Variants in TRPM8 observed in about 807,000 individuals in gnomAD.
TRPM8 encodes transient receptor potential cation channel subfamily M member 8, also known as TRPM8 cationic channel.
In TRPM8, 110 loss-of-function variants were observed where a neutral mutation model predicts 133.7. That is an observed-to-expected ratio of 0.82 (90% CI 0.70 to 0.96). The LOEUF (loss-of-function observed/expected upper bound fraction) is 0.96, where lower values mean the gene tolerates loss of function less well. TRPM8 is among the 40% of genes least tolerant of loss of function. The pLI is 0.00. For missense variants in TRPM8, 1,291 were observed against 1,379.5 expected (o/e 0.94, Z 1.02); for synonymous variants, 535 against 532.3 (o/e 1.01, Z -0.07).
intron 17 of TRPM8, among the ~76,000 whole-genome samples, chr2:233,976,226 A>C (rs1553663877): frequency 6.6e-6 from 1 of 152,166 alleles, no homozygotes; most frequent in Non-Finnish European, 1.5e-5. Context: ...AGCAGCACTA[A>C]GTGGGCGAGT....
At chr2:234,011,055 G>A (rs963682303) in intron 24 of TRPM8, among the ~76,000 whole-genome samples, 2 of 152,178 alleles carry the variant, frequency 1.3e-5, no homozygotes, top group South Asian at 4.1e-4. Flanking sequence ...GCCACGACCA[G>A]AGTCAAGAAG....
At chr2:233,958,285 C>G (rs952254526) in intron 11 of TRPM8, among the ~76,000 whole-genome samples, 1 of 152,116 alleles carries the variant, frequency 6.6e-6, no homozygotes, top group African/African-American at 2.4e-5. Context: ...AAGAGCAAAC[C>G]GAGGCTCAGA....
In TRPM8 at chr2:233,985,707, C is replaced by T. The variant is rs1297639662; in HGVS notation, c.2781C>T (p.Ala927=). The T allele has an allele frequency of 1.2e-6, 2 of 1,614,028 alleles. No homozygotes were observed. The highest frequency in any genetic ancestry group is 3.3e-5 in the Admixed American group (2 of 60,008). The change falls in exon 21 of 26, where the codon GCC becomes GCT. Residue 927 remains alanine, a synonymous_variant. Coordinates refer to ENST00000324695, the MANE Select transcript of TRPM8 (RefSeq NM_024080.5). ...CCTCAGGTACCACGTATGACTTTGCCCACTGCACCTTCACTGGGAATGAGT... is the reference window on the plus strand; with the variant it reads ...CCTCAGGTACCACGTATGACTTTGCTCACTGCACCTTCACTGGGAATGAGT... ...SDVDGTTYDF[A]HCTFTGNESK...
At chr2:233,924,156 T>C (rs1691464794) in intron 1 of TRPM8, among the ~76,000 whole-genome samples, 1 of 152,208 alleles carries the variant, frequency 6.6e-6, no homozygotes, top group African/African-American at 2.4e-5. Flanking sequence ...CTCCTGACAC[T>C]GACAGATAAG....
At chr2:234,007,572 T>C (rs1451641641) in intron 23 of TRPM8, among the ~76,000 whole-genome samples, 2 of 152,246 alleles carry the variant, frequency 1.3e-5, no homozygotes, top group Non-Finnish European at 2.9e-5. Context: ...CGTGCTCTTA[T>C]TGTAAATGTT....
intron 2 of TRPM8, among the ~76,000 whole-genome samples, chr2:233,927,932 C>CTCTCTCTT (rs1691595646): frequency 2.5e-4 from 12 of 47,848 alleles, no homozygotes; most frequent in Non-Finnish European, 3.1e-4. Context: ...CTTTCTCTCT[C>CTCTCTCTT]TCTCTCTCTC....
In TRPM8 at chr2:233,959,325, C is replaced by T. The variant is rs921618105; in HGVS notation, c.1363-1451C>T. ...ACAGGTGTGAGCCACCTCGCCCAGC[C>T]TTTTTTTTTTTTTTTTTTTGAGATG... On this transcript the variant is annotated intron_variant, in intron 11 of 25. Coordinates refer to ENST00000324695, the MANE Select transcript of TRPM8 (RefSeq NM_024080.5). 3.0e-3 allele frequency among the ~76,000 whole-genome samples: 319 copies of T among 106,260 alleles called. 3 individuals carry two copies. Among genetic ancestry groups the T allele is most frequent in the African/African-American group, 9.1e-3 (215 of 23,614 alleles). The allele number at this position is 106,260 out of a possible 152,430, so 69.7% of individuals were successfully genotyped here.
rs756302297 is a variant in TRPM8, at chr2:233,937,401, CA to C, written c.241del (p.Thr81ProfsTer53). 1 of 1,614,160 alleles carries C rather than the reference CA, an allele frequency of 6.2e-7. No individual in the cohort carries two copies. The highest frequency in any genetic ancestry group is 1.1e-5 in the South Asian group (1 of 91,076). ...GYAQSQHMEG[T>X]QINQSEKWNY... Reference sequence around the variant, plus strand: ...ATGCCCAGAGCCAGCACATGGAAGGCACCCAGATCAACCAAAGTGAGAAATG... The same window carrying C: ...ATGCCCAGAGCCAGCACATGGAAGGCCCCAGATCAACCAAAGTGAGAAATG... On this transcript the variant is annotated frameshift_variant, in exon 4 of 26. Transcript: ENST00000324695. LOFTEE classifies it high-confidence loss of function.
At chr2:233,980,385 G>C (rs1223329463) in intron 18 of TRPM8, 106 bp downstream of exon 18, 2 of 704,400 alleles carry the variant, frequency 2.8e-6, no homozygotes, top group African/African-American at 3.6e-5. Context: ...ACTCATTAGA[G>C]ATTATTACAC....
chr2:233,990,209 C>T (rs566687129), intron 21 of TRPM8, among the ~76,000 whole-genome samples: 10 of 152,310 alleles, frequency 6.6e-5, no homozygotes, highest in African/African-American at 2.4e-4. Context: ...TTACAGGGGT[C>T]GCCTCATTTA....
intron 11 of TRPM8, among the ~76,000 whole-genome samples, chr2:233,957,818 A>G (rs1574723697): frequency 6.6e-6 from 1 of 152,196 alleles, no homozygotes; most frequent in South Asian, 2.1e-4. Context: ...AGGAATCAGC[A>G]AACACTACAA....
intron 1 of TRPM8, among the ~76,000 whole-genome samples, chr2:233,925,262 C>T (rs1452828694): frequency 6.6e-6 from 1 of 152,176 alleles, no homozygotes; most frequent in Non-Finnish European, 1.5e-5. Context: ...ATGCACTGTG[C>T]CAGGCCCTGG....
chr2:233,944,159 G>A, intron 6 of TRPM8, among the ~76,000 whole-genome samples: 1 of 152,152 alleles, frequency 6.6e-6, no homozygotes, highest in Non-Finnish European at 1.5e-5. Flanking sequence ...TAATTGTGCA[G>A]AGTGAATGGT....
Position 233,980,256 on chromosome 2 carries a change from C to A in TRPM8, c.2424C>A (p.Tyr808Ter). The change falls in exon 18 of 26, where the codon TAC becomes TAA. Residue 808 changes from tyrosine (Y) to a stop codon, truncating the protein, a stop_gained. Transcript: ENST00000324695. LOFTEE classifies it high-confidence loss of function. ...WNVMDTLGLF[Y>*]FIAGIVFRLH... Reference sequence around the variant, plus strand: ...TGATGGACACGCTGGGGCTTTTTTACTTCATAGCAGGAATTGTATTTCGGT... The same window carrying A: ...TGATGGACACGCTGGGGCTTTTTTAATTCATAGCAGGAATTGTATTTCGGT... The A allele has an allele frequency of 1.9e-6, 3 of 1,599,612 alleles. No individual in the cohort carries two copies. Among genetic ancestry groups the A allele is most frequent in the Non-Finnish European group, 2.6e-6 (3 of 1,175,876 alleles).
chr2:233,996,639 AT>A, intron 22 of TRPM8, 123 bp downstream of exon 22: 1 of 912,600 alleles, frequency 1.1e-6, no homozygotes. Flanking sequence ...ACATCTGTAC[AT>A]CTGTAAAGAT....
At chr2:233,996,756 C>G (rs974176101) in intron 22 of TRPM8, among the ~76,000 whole-genome samples, 1 of 152,150 alleles carries the variant, frequency 6.6e-6, no homozygotes, top group Non-Finnish European at 1.5e-5. Flanking sequence ...GACTTTTGGA[C>G]AGATCGTGTA....
chr2:234,001,094 T>C (rs2125373479), intron 22 of TRPM8, among the ~76,000 whole-genome samples: 1 of 152,326 alleles, frequency 6.6e-6, no homozygotes, highest in African/African-American at 2.4e-5. Context: ...GCAAGGCCTA[T>C]GCATTCACAT....
At chr2:233,921,677 C>CTTTTTTTTTTTTTTTTTT (rs11373529) in intron 1 of TRPM8, among the ~76,000 whole-genome samples, 6 of 106,660 alleles carry the variant, frequency 5.6e-5, no homozygotes, top group African/African-American at 2.3e-4. Flanking sequence ...CTTTTCTTTT[C>CTTTTTTTTTTTTTTTTTT]TTTTTTTTTT....
At chr2:233,922,903 C>T (rs1018626208) in intron 1 of TRPM8, among the ~76,000 whole-genome samples, 1 of 152,156 alleles carries the variant, frequency 6.6e-6, no homozygotes, top group Non-Finnish European at 1.5e-5. Flanking sequence ...GAGTCTCGCT[C>T]TGTCACCCAG....
Sources: allele counts gnomAD v4.1 joint callset (sites outside exome capture counted in the v4.1 genomes callset), GRCh38; gene constraint gnomAD v4.1.1; transcripts MANE v1.5; gene names NCBI Gene and HGNC (gene_info 2026-07-23, HGNC 2026-07-21).